Variants in RBFOX3 observed in about 807,000 individuals in gnomAD.
RBFOX3 encodes RNA binding protein fox-1 homolog 3.
In RBFOX3, 17 loss-of-function variants were observed where a neutral mutation model predicts 48.7. The observed-to-expected ratio is 0.35, with a 90% confidence interval of 0.24 to 0.52. The LOEUF (loss-of-function observed/expected upper bound fraction) is 0.52, where lower values mean the gene tolerates loss of function less well. Ranked by LOEUF, RBFOX3 falls within the 20% of genes least tolerant of loss-of-function variation. RBFOX3 has a pLI of 0.94. For missense variants in RBFOX3, 382 were observed against 497.5 expected, an observed-to-expected ratio of 0.77 and a Z score of 2.21; for synonymous variants, 212 against 209.5, an observed-to-expected ratio of 1.01 and a Z score of -0.10.
rs144180992 is a variant in RBFOX3, at chr17:79,223,728, G to A, written c.-34+12038C>T. Among the ~76,000 whole-genome samples, 638 of 152,328 alleles carry A rather than the reference G, an allele frequency of 4.2e-3. 4 individuals are homozygous for A. The highest frequency in any genetic ancestry group is 0.014 in the African/African-American group (594 of 41,586). On this transcript the variant is annotated intron_variant, in intron 4 of 14. Transcript: ENST00000693108. ...CCGGGGTGCAGGACACTCCCCCACCGAGGGATTCTGAGGCCTGGGCAGCTG... is the reference window on the plus strand; with the variant it reads ...CCGGGGTGCAGGACACTCCCCCACCAAGGGATTCTGAGGCCTGGGCAGCTG...
At chr17:79,119,029 T>A (rs1314818867) in intron 4 of RBFOX3, among the ~76,000 whole-genome samples, 1 of 150,974 alleles carries the variant, frequency 6.6e-6, no homozygotes, top group African/African-American at 2.4e-5. Flanking sequence ...GCGCAGCTCC[T>A]GTCCCATCTG....
At chr17:79,209,348 CA>C (rs1335692182) in intron 4 of RBFOX3, among the ~76,000 whole-genome samples, 2 of 152,242 alleles carry the variant, frequency 1.3e-5, no homozygotes, top group African/African-American at 4.8e-5. Flanking sequence ...CGGGACCTCC[CA>C]GGGGGCAGGG....
chr17:79,430,117 C>G (rs760930048), intron 2 of RBFOX3, among the ~76,000 whole-genome samples: 44 of 152,146 alleles, frequency 2.9e-4, no homozygotes, highest in Non-Finnish European at 5.6e-4. Context: ...CAGCGTTGCA[C>G]TCAGACCACA....
intron 1 of RBFOX3, among the ~76,000 whole-genome samples, chr17:79,529,731 G>A (rs1157908514): frequency 3.9e-5 from 6 of 152,230 alleles, no homozygotes; most frequent in Non-Finnish European, 7.4e-5. Context: ...GGCAGAGGAA[G>A]GAGGGAGAGT....
chr17:79,383,065 C>CACACAA (rs1555698584), intron 2 of RBFOX3, among the ~76,000 whole-genome samples: 21 of 141,222 alleles, frequency 1.5e-4, no homozygotes, highest in African/African-American at 5.3e-4. Flanking sequence ...CACACACACA[C>CACACAA]ACACACACAG....
At chr17:79,589,563 C>A (rs2093357163) in intron 1 of RBFOX3, among the ~76,000 whole-genome samples, 1 of 152,168 alleles carries the variant, frequency 6.6e-6, no homozygotes, top group Non-Finnish European at 1.5e-5. Flanking sequence ...TGATTCAGCC[C>A]GAATGGGTAG....
At chr17:79,408,520 G>A (rs1028362854) in intron 2 of RBFOX3, among the ~76,000 whole-genome samples, 3 of 152,192 alleles carry the variant, frequency 2.0e-5, no homozygotes, top group Non-Finnish European at 4.4e-5. Flanking sequence ...TTTAAAGACA[G>A]CGACCTCCGA....
chr17:79,514,342 G>A (rs1196629391), intron 1 of RBFOX3, among the ~76,000 whole-genome samples: 1 of 152,156 alleles, frequency 6.6e-6, no homozygotes, highest in East Asian at 1.9e-4. Flanking sequence ...CGGCGGTCAC[G>A]CAGACATGCA....
chr17:79,090,928 G>A, intron 14 of RBFOX3, 43 bp from the exon 15 acceptor site: 1 of 1,533,296 alleles, frequency 6.5e-7, no homozygotes, highest in Non-Finnish European at 8.8e-7. Context: ...CTTCTCGGGG[G>A]AGGCACAGCA....
rs375226698 is a variant in RBFOX3 at position 79,496,806 on chromosome 17, C to T, written c.-319-14208G>A. Among the ~76,000 whole-genome samples, 198 of 152,266 alleles carry T rather than the reference C, an allele frequency of 1.3e-3. 2 individuals carry two copies. Among genetic ancestry groups the T allele is most frequent in the African/African-American group, 4.5e-3 (189 of 41,566 alleles). On this transcript the variant is annotated intron_variant, in intron 1 of 14. Transcript: ENST00000693108. ...TCCCATGCGTTATCTTAGGTGTTCA[C>T]GAGATTGTCACGTGAATGCCGAAAG...
intron 2 of RBFOX3, among the ~76,000 whole-genome samples, chr17:79,466,146 G>A (rs1568300717): frequency 1.3e-5 from 2 of 152,202 alleles, no homozygotes; most frequent in African/African-American, 2.4e-5. Context: ...TCTACCCCGT[G>A]GGGCTGGGGA....
chr17:79,208,936 C>T (rs2147059384), intron 4 of RBFOX3, among the ~76,000 whole-genome samples: 1 of 152,328 alleles, frequency 6.6e-6, no homozygotes, highest in South Asian at 2.1e-4. Flanking sequence ...CTGCCTCAGC[C>T]TCCCAAGTAG....
At chr17:79,158,640 C>T (rs1172752572) in intron 4 of RBFOX3, among the ~76,000 whole-genome samples, 1 of 152,186 alleles carries the variant, frequency 6.6e-6, no homozygotes, top group Admixed American at 6.5e-5. Context: ...GACGCCCGAC[C>T]AAGGCTGGCA....
intron 3 of RBFOX3, among the ~76,000 whole-genome samples, chr17:79,288,886 T>C (rs1430144149): frequency 6.6e-6 from 1 of 152,126 alleles, no homozygotes; most frequent in Non-Finnish European, 1.5e-5. Flanking sequence ...GAACACTGCA[T>C]GAAAAGCACA....
intron 1 of RBFOX3, among the ~76,000 whole-genome samples, chr17:79,529,789 A>C (rs1555786842): frequency 6.6e-6 from 1 of 152,208 alleles, no homozygotes; most frequent in Non-Finnish European, 1.5e-5. Flanking sequence ...CCGTCCCCTG[A>C]GGCTCTAGAA....
At chr17:79,462,629 T>C (rs1216575404) in intron 2 of RBFOX3, among the ~76,000 whole-genome samples, 1 of 152,202 alleles carries the variant, frequency 6.6e-6, no homozygotes, top group African/African-American at 2.4e-5. Context: ...TTAGGGATCC[T>C]GCTCAGTGTC....
At chr17:79,379,893 C>T (rs62063992) in intron 2 of RBFOX3, among the ~76,000 whole-genome samples, 2 of 151,984 alleles carry the variant, frequency 1.3e-5, no homozygotes, top group Non-Finnish European at 1.5e-5. Flanking sequence ...CAGGCCCGCA[C>T]GAGTCTGCAT....
intron 3 of RBFOX3, among the ~76,000 whole-genome samples, chr17:79,237,580 A>G (rs1053310924): frequency 6.6e-6 from 1 of 152,188 alleles, no homozygotes; most frequent in African/African-American, 2.4e-5. Flanking sequence ...AGAACACCAA[A>G]ATGCACAGGG....
chr17:79,097,159 G>A, intron 11 of RBFOX3, 133 bp downstream of exon 11: 3 of 788,892 alleles, frequency 3.8e-6, no homozygotes, highest in Non-Finnish European at 5.9e-6. Flanking sequence ...TGAGTTCTGG[G>A]GCTCCCACGA....
Sources: allele counts gnomAD v4.1 joint callset (sites outside exome capture counted in the v4.1 genomes callset), GRCh38; gene constraint gnomAD v4.1.1; transcripts MANE v1.5; gene names NCBI Gene and HGNC (gene_info 2026-07-23, HGNC 2026-07-21).